GARIN2: variants seen among roughly 807,000 people sequenced by gnomAD.
GARIN2 encodes golgi associated RAB2 interactor family member 2, also known as Golgi-associated RAB2 interactor protein 2.
the GARIN2 span, among the ~76,000 whole-genome samples, chr14:67,200,883 C>T: frequency 2.6e-5 from 4 of 152,186 alleles, no homozygotes; most frequent in Admixed American, 6.5e-5. Flanking sequence ...ATAGGTCAGA[C>T]GTTGCCCCCA....
chr14:67,198,890 A>G, the GARIN2 span: 1 of 686,538 alleles, frequency 1.5e-6, no homozygotes, highest in Non-Finnish European at 2.7e-6. Context: ...TAGGGGTCAT[A>G]CCTCTAAAGT....
At chr14:67,202,630 TTAAAC>T in the GARIN2 span, among the ~76,000 whole-genome samples, 1 of 152,190 alleles carries the variant, frequency 6.6e-6, no homozygotes, top group Admixed American at 6.5e-5. Context: ...TCTATGGAAT[TTAAAC>T]TAAAGACTAA....
At chr14:67,213,554 C>A in the GARIN2 span, among the ~76,000 whole-genome samples, 1 of 152,044 alleles carries the variant, frequency 6.6e-6, no homozygotes, top group South Asian at 2.1e-4. Flanking sequence ...TTTCTTAATC[C>A]AGTTTATCAT....
chr14:67,215,481 G>A, the GARIN2 span, among the ~76,000 whole-genome samples: 3 of 150,524 alleles, frequency 2.0e-5, no homozygotes, highest in African/African-American at 7.4e-5. Flanking sequence ...TTGTAAGTCT[G>A]ATGTGTTAGA....
At chr14:67,193,528 G>T in the GARIN2 span, among the ~76,000 whole-genome samples, 2 of 139,704 alleles carry the variant, frequency 1.4e-5, no homozygotes, top group Non-Finnish European at 3.1e-5. Flanking sequence ...TCTAGATATA[G>T]ATCTATAGAA....
the GARIN2 span, chr14:67,203,122 T>A: frequency 6.2e-7 from 1 of 1,613,626 alleles, no homozygotes; most frequent in Non-Finnish European, 8.5e-7. Context: ...TCCATTTACC[T>A]TCATAACCGA....
the GARIN2 span, among the ~76,000 whole-genome samples, chr14:67,220,736 C>T: frequency 6.6e-6 from 1 of 152,072 alleles, no homozygotes; most frequent in Non-Finnish European, 1.5e-5. Context: ...GGTACATTTA[C>T]CTGATGCTTC....
chr14:67,213,216 A>G, the GARIN2 span, among the ~76,000 whole-genome samples: 3 of 150,026 alleles, frequency 2.0e-5, no homozygotes, highest in Non-Finnish European at 4.4e-5. Context: ...CACAATGTGC[A>G]GGTTAGTTAC....
chr14:67,191,006 G>A, the GARIN2 span, among the ~76,000 whole-genome samples: 1 of 152,226 alleles, frequency 6.6e-6, no homozygotes, highest in Non-Finnish European at 1.5e-5. Context: ...GGCTGAGGCA[G>A]GTGGATCACC....
At chr14:67,219,099 T>C in the GARIN2 span, among the ~76,000 whole-genome samples, 1 of 151,906 alleles carries the variant, frequency 6.6e-6, no homozygotes, top group African/African-American at 2.4e-5. Context: ...TCACAGGTGG[T>C]GATTGGGGAG....
chr14:67,228,467 C>T, the GARIN2 span: 1 of 209,406 alleles, frequency 4.8e-6, no homozygotes, highest in African/African-American at 2.4e-5. Flanking sequence ...GCAAACACAG[C>T]TCAGGGAAAG....
At chr14:67,228,213 G>C in the GARIN2 span, 1 of 155,476 alleles carries the variant, frequency 6.4e-6, no homozygotes, top group African/African-American at 2.4e-5. Flanking sequence ...TGTTTTAATG[G>C]CTGGATTAAA....
chr14:67,218,765 T>G, the GARIN2 span, among the ~76,000 whole-genome samples: 3 of 152,008 alleles, frequency 2.0e-5, no homozygotes, highest in Non-Finnish European at 4.4e-5. Flanking sequence ...TCAAGCTGTT[T>G]AGAGGTTCAG....
chr14:67,193,953 A>AC, the GARIN2 span, among the ~76,000 whole-genome samples: 7 of 148,052 alleles, frequency 4.7e-5, no homozygotes, highest in Non-Finnish European at 8.9e-5. Context: ...TCAAAAAAAA[A>AC]CAAAAAAAAA....
At chr14:67,227,058 C>G in the GARIN2 span, among the ~76,000 whole-genome samples, 1 of 152,116 alleles carries the variant, frequency 6.6e-6, no homozygotes, top group African/African-American at 2.4e-5. Flanking sequence ...AACAAAATTT[C>G]AAATATTAGG....
At chr14:67,199,981 C>A in the GARIN2 span, 1 of 1,127,140 alleles carries the variant, frequency 8.9e-7, no homozygotes, top group Non-Finnish European at 1.3e-6. Flanking sequence ...AGGGATGTCT[C>A]AGATGCAGCT....
the GARIN2 span, among the ~76,000 whole-genome samples, chr14:67,223,523 G>T: frequency 6.6e-6 from 1 of 152,210 alleles, no homozygotes; most frequent in African/African-American, 2.4e-5. Flanking sequence ...CGACAATCTA[G>T]CAGGCAGCTT....
the GARIN2 span, among the ~76,000 whole-genome samples, chr14:67,215,409 T>G: frequency 6.6e-6 from 1 of 151,932 alleles, no homozygotes; most frequent in Non-Finnish European, 1.5e-5. Context: ...ATCTATTGTT[T>G]TTTTTTTTTA....
the GARIN2 span, chr14:67,198,382 C>T: frequency 6.8e-7 from 1 of 1,461,694 alleles, no homozygotes; most frequent in Non-Finnish European, 9.4e-7. Context: ...TCAAAGAAAA[C>T]TGAAAAGGAT....
Sources: gnomAD v4.1 joint callset for allele counts (sites outside exome capture counted in the v4.1 genomes callset) on GRCh38, gnomAD v4.1.1 for gene constraint, MANE v1.5 for transcripts, NCBI Gene and HGNC (gene_info 2026-07-23, HGNC 2026-07-21) for gene names.